The following TMEM131 variants were observed in gnomAD, a reference collection of about 807,000 sequenced individuals.
The protein encoded by TMEM131 is transmembrane protein 131.
A neutral mutation model predicts 211.6 loss-of-function variants in TMEM131; 66 were observed. That is an observed-to-expected ratio of 0.31 (90% CI 0.26 to 0.38). The LOEUF is 0.38. TMEM131 is among the 10% of genes least tolerant of loss of function. The probability of loss-of-function intolerance (pLI) is 1.00; values close to 1 mark genes in which losing one functional copy is unlikely to be tolerated. For synonymous variants in TMEM131, 844 were observed against 841.3 expected (o/e 1.00, Z -0.06); for missense variants, 2,036 against 2,299.3 (o/e 0.89, Z 2.34).
Position 97,995,468 on chromosome 2 carries a change from A to G in TMEM131, c.187+8T>C, listed in dbSNP as rs1680459245. 7.2e-7 allele frequency: 1 copy of G among 1,390,706 alleles called. No homozygotes were observed. 86.1% of individuals were successfully genotyped at this position (1,390,706 alleles called of 1,614,324 possible). On this transcript the variant is annotated splice_region_variant and intron_variant, in intron 1 of 40. Coordinates refer to ENST00000186436, the MANE Select transcript of TMEM131 (RefSeq NM_015348.2). ...CCCGCCGCAGGGACGCCGCCGGGGG[A>G]CACCCACCTTCCTTCTCGGCCCGCG...
chr2:97,946,376 G>C (rs1321574307), intron 1 of TMEM131, among the ~76,000 whole-genome samples: 1 of 151,778 alleles, frequency 6.6e-6, no homozygotes, highest in Non-Finnish European at 1.5e-5. Flanking sequence ...TAGTCAGTTT[G>C]AAAAAAGAGA....
At chr2:97,812,358 G>A in intron 17 of TMEM131, 63 bp downstream of exon 17, 2 of 1,515,602 alleles carry the variant, frequency 1.3e-6, no homozygotes, top group South Asian at 2.6e-5. Flanking sequence ...GCATAGCAAT[G>A]ATCTTCCACT....
At chr2:97,868,078 A>G (rs1055967644) in intron 4 of TMEM131, among the ~76,000 whole-genome samples, 4 of 152,194 alleles carry the variant, frequency 2.6e-5, no homozygotes, top group African/African-American at 4.8e-5. Context: ...TGCTTCAAGT[A>G]TTCGGAAGCT....
chr2:97,836,301 T>C lies in TMEM131; in HGVS notation c.804+776A>G, dbSNP rs1682936662. 2.6e-5 allele frequency among the ~76,000 whole-genome samples: 4 copies of C among 152,142 alleles called. No homozygotes were observed. The South Asian group carries it at 8.3e-4, about 32-fold the overall frequency. ...TGGTCAGAAGACAGAATCAAGAGGC[T>C]GTGTGTGTGTAACAGCAGTTAATAA... is the stretch of plus-strand genomic sequence containing the variant. On this transcript the variant is annotated intron_variant, in intron 8 of 40. Coordinates refer to ENST00000186436, the MANE Select transcript of TMEM131 (RefSeq NM_015348.2).
At chr2:97,903,303 G>A (rs757187228) in intron 3 of TMEM131, among the ~76,000 whole-genome samples, 2 of 152,024 alleles carry the variant, frequency 1.3e-5, no homozygotes, top group African/African-American at 2.4e-5. Context: ...TTATGACAGC[G>A]CAAATGATGG....
chr2:97,942,340 G>C (rs1425074394), intron 1 of TMEM131, among the ~76,000 whole-genome samples: 1 of 105,508 alleles, frequency 9.5e-6, no homozygotes, highest in East Asian at 3.4e-4. Context: ...GTGGGGGGAG[G>C]GGGGAGGGAT....
At chr2:97,977,736 G>A (rs1487162900) in intron 1 of TMEM131, among the ~76,000 whole-genome samples, 2 of 152,162 alleles carry the variant, frequency 1.3e-5, no homozygotes, top group African/African-American at 4.8e-5. Flanking sequence ...CTTGCCTCAA[G>A]GTTGATCAGG....
intron 11 of TMEM131, among the ~76,000 whole-genome samples, chr2:97,832,211 T>G (rs1359604806): frequency 6.6e-6 from 1 of 152,214 alleles, no homozygotes; most frequent in African/African-American, 2.4e-5. Flanking sequence ...TGGGCCTATT[T>G]AATTCCATGT....
chr2:97,837,252 GT>G, intron 7 of TMEM131, 95 bp from the exon 8 acceptor site: 1 of 850,262 alleles, frequency 1.2e-6, no homozygotes, highest in Non-Finnish European at 1.8e-6. Flanking sequence ...CATCCTAACT[GT>G]TTATCACAAA....
rs943490971 is a variant in TMEM131, at chr2:97,959,497, T to TCA, written c.188-32012_188-32011dup. Among the ~76,000 whole-genome samples, 4 of 152,280 alleles carry TCA rather than the reference T, an allele frequency of 2.6e-5. No homozygotes were observed. In the East Asian group the frequency reaches 7.7e-4, roughly 29 times the overall value. ...AACAACTGTATTTATCAGATTTGTT[T>TCA]CAGCACATTCTCCCTTTCTCTCTCT... On this transcript the variant is annotated intron_variant, in intron 1 of 40. Coordinates refer to ENST00000186436, the MANE Select transcript of TMEM131 (RefSeq NM_015348.2).
At chr2:97,783,170 T>A (rs1680094956) in intron 31 of TMEM131, among the ~76,000 whole-genome samples, 2 of 152,232 alleles carry the variant, frequency 1.3e-5, no homozygotes, top group Admixed American at 1.3e-4. Context: ...GAAGCATTTT[T>A]CAAGTACTCA....
chr2:97,963,351 G>A (rs933057352), intron 1 of TMEM131, among the ~76,000 whole-genome samples: 5 of 152,176 alleles, frequency 3.3e-5, no homozygotes, highest in African/African-American at 4.8e-5. Flanking sequence ...TGGGAGAAAA[G>A]GAGCTTTACT....
intron 3 of TMEM131, among the ~76,000 whole-genome samples, chr2:97,898,752 G>C (rs1449948694): frequency 6.6e-6 from 1 of 152,100 alleles, no homozygotes; most frequent in East Asian, 1.9e-4. Context: ...TTGTACTTTT[G>C]TTTTCAAAGC....
At chr2:97,774,981 A>G (rs1283852317) in intron 32 of TMEM131, among the ~76,000 whole-genome samples, 1 of 152,198 alleles carries the variant, frequency 6.6e-6, no homozygotes, top group Non-Finnish European at 1.5e-5. Flanking sequence ...AATGCATGTG[A>G]ATGACACTGC....
intron 4 of TMEM131, among the ~76,000 whole-genome samples, chr2:97,886,894 A>G (rs1301808097): frequency 1.3e-5 from 2 of 152,236 alleles, no homozygotes; most frequent in African/African-American, 4.8e-5. Context: ...AGCAAGATGA[A>G]AAAACTCTTT....
chr2:97,845,722 A>C (rs1683394314), intron 5 of TMEM131, among the ~76,000 whole-genome samples: 1 of 151,614 alleles, frequency 6.6e-6, no homozygotes, highest in Admixed American at 6.6e-5. Flanking sequence ...AAGGAAAATA[A>C]AGAGTAAAAA....
chr2:97,826,722 G>A (rs542228717), intron 11 of TMEM131, among the ~76,000 whole-genome samples: 1 of 152,178 alleles, frequency 6.6e-6, no homozygotes, highest in Admixed American at 6.5e-5. Flanking sequence ...AATGGAAGTA[G>A]TAAAGAAAAA....
At chr2:97,929,798 A>T (rs1677143449) in intron 1 of TMEM131, among the ~76,000 whole-genome samples, 5 of 151,814 alleles carry the variant, frequency 3.3e-5, no homozygotes, top group Admixed American at 3.3e-4. Context: ...GCTCAGGTAC[A>T]ATAAGCACTG....
intron 1 of TMEM131, among the ~76,000 whole-genome samples, chr2:97,978,266 G>C (rs899976248): frequency 2.4e-4 from 36 of 152,118 alleles, no homozygotes; most frequent in African/African-American, 8.5e-4. Context: ...CGACTAAGTT[G>C]ATAATACCCT....
Sources: allele counts gnomAD v4.1 joint callset (sites outside exome capture counted in the v4.1 genomes callset), GRCh38; gene constraint gnomAD v4.1.1; transcripts MANE v1.5; gene names NCBI Gene and HGNC (gene_info 2026-07-23, HGNC 2026-07-21).